Variants in ACYP2 observed in about 807,000 individuals in gnomAD.
ACYP2 encodes the protein acylphosphatase-2.
Under a neutral mutation model 11.2 loss-of-function variants are expected in ACYP2, and 12 were observed. That is an observed-to-expected ratio of 1.08 (90% CI 0.69 to 1.74). The LOEUF (loss-of-function observed/expected upper bound fraction) is 1.74, where lower values mean the gene tolerates loss of function less well. ACYP2 is among the 40% of genes most tolerant of loss of function. The probability of loss-of-function intolerance (pLI) is 0.00; values close to 1 mark genes in which losing one functional copy is unlikely to be tolerated. For missense variants in ACYP2, 134 were observed against 101.9 expected (o/e 1.31, Z -1.35); for synonymous variants, 43 against 32.2 (o/e 1.33, Z -1.13).
At chr2:54,276,829 T>C (rs997275589) in intron 6 of ACYP2, among the ~76,000 whole-genome samples, 2 of 152,208 alleles carry the variant, frequency 1.3e-5, no homozygotes, top group African/African-American at 4.8e-5. Flanking sequence ...ATCCCTTTGA[T>C]GCACATTTCC....
intron 5 of ACYP2, among the ~76,000 whole-genome samples, chr2:54,137,044 T>C (rs1295313904): frequency 6.6e-6 from 1 of 152,148 alleles, no homozygotes; most frequent in Non-Finnish European, 1.5e-5. Flanking sequence ...GTTAAAATAA[T>C]TCAAAATCAA....
chr2:54,049,263 AAAT>A (rs10617454), intron 2 of ACYP2, among the ~76,000 whole-genome samples: 14,225 of 151,542 alleles, frequency 0.094, 873 homozygotes, highest in African/African-American at 0.18. Flanking sequence ...CCCATCTCAA[AAAT>A]AATAATAATA....
intron 6 of ACYP2, among the ~76,000 whole-genome samples, chr2:54,146,244 C>A (rs1243660636): frequency 6.6e-6 from 1 of 152,158 alleles, no homozygotes; most frequent in Non-Finnish European, 1.5e-5. Context: ...GGGAGTTATA[C>A]CTGTTTATTC....
At chr2:54,294,357 C>T (rs1342058216) in intron 6 of ACYP2, among the ~76,000 whole-genome samples, 2 of 152,074 alleles carry the variant, frequency 1.3e-5, no homozygotes, top group Non-Finnish European at 2.9e-5. Context: ...CATTCCACTC[C>T]CCTATATTTT....
chr2:54,230,536 T>C (rs1229959487), intron 6 of ACYP2, among the ~76,000 whole-genome samples: 3 of 152,024 alleles, frequency 2.0e-5, no homozygotes, highest in African/African-American at 7.3e-5. Context: ...CCGGCTAATT[T>C]TGTATTTTTA....
chr2:54,058,008 A>G (rs1276795307), intron 4 of ACYP2, among the ~76,000 whole-genome samples: 2 of 152,384 alleles, frequency 1.3e-5, no homozygotes, highest in East Asian at 3.8e-4. Flanking sequence ...TCACACATAG[A>G]AAATAGGAGA....
intron 2 of ACYP2, among the ~76,000 whole-genome samples, chr2:54,046,715 C>A (rs1675544430): frequency 6.6e-6 from 1 of 152,126 alleles, no homozygotes; most frequent in East Asian, 1.9e-4. Context: ...ACACAGGGCC[C>A]TGTGCTTAGA....
intron 4 of ACYP2, 39 bp from the exon 1 acceptor site, chr2:54,115,576 C>T (rs1434840373): frequency 2.6e-6 from 4 of 1,538,664 alleles, no homozygotes; most frequent in South Asian, 2.4e-5. Flanking sequence ...CGCTAGCGTC[C>T]GGGACCGGTG....
chr2:54,244,768 C>T (rs1475668220), intron 6 of ACYP2, among the ~76,000 whole-genome samples: 1 of 152,054 alleles, frequency 6.6e-6, no homozygotes, highest in Non-Finnish European at 1.5e-5. Flanking sequence ...TGAATTGACA[C>T]ATAATAATTG....
intron 4 of ACYP2, among the ~76,000 whole-genome samples, chr2:54,104,537 A>T (rs1407998254): frequency 1.3e-5 from 2 of 152,136 alleles, no homozygotes. Flanking sequence ...ATTTTACCAA[A>T]CTGCTAGATA....
At chr2:54,002,940 G>A (rs892319392) in intron 2 of ACYP2, among the ~76,000 whole-genome samples, 11 of 151,646 alleles carry the variant, frequency 7.3e-5, no homozygotes, top group Non-Finnish European at 1.5e-5. Flanking sequence ...GAGCCACCAT[G>A]CCTGGCCTTT....
At chr2:54,298,951 C>T (rs1689621191) in intron 6 of ACYP2, among the ~76,000 whole-genome samples, 1 of 152,130 alleles carries the variant, frequency 6.6e-6, no homozygotes, top group South Asian at 2.1e-4. Context: ...TGGGGTTTCA[C>T]CGTGTTGGCC....
intron 1 of ACYP2, among the ~76,000 whole-genome samples, chr2:53,971,528 A>C (rs997378029): frequency 3.9e-5 from 6 of 152,236 alleles, no homozygotes; most frequent in African/African-American, 1.4e-4. Flanking sequence ...TTACTCGCTG[A>C]ACAAATGCTA....
At chr2:54,072,733 T>C (rs1217061387) in intron 4 of ACYP2, among the ~76,000 whole-genome samples, 1 of 152,052 alleles carries the variant, frequency 6.6e-6, no homozygotes, top group African/African-American at 2.4e-5. Flanking sequence ...AGGCTAATTT[T>C]TGTATTTTTA....
intron 6 of ACYP2, 81 bp downstream of exon 3, chr2:54,138,829 G>T (rs1681427426): frequency 8.7e-7 from 1 of 1,152,744 alleles, no homozygotes; most frequent in East Asian, 2.6e-5. Context: ...GTCTTGCTCT[G>T]TTGCCCAGGT....
chr2:54,163,140 C>A (rs1200541270), intron 6 of ACYP2, among the ~76,000 whole-genome samples: 1 of 152,160 alleles, frequency 6.6e-6, no homozygotes, highest in Non-Finnish European at 1.5e-5. Context: ...AACTCCCAAA[C>A]AGTATGGATT....
chr2:54,064,873 C>T (rs1676659990), intron 4 of ACYP2, among the ~76,000 whole-genome samples: 1 of 152,146 alleles, frequency 6.6e-6, no homozygotes, highest in African/African-American at 2.4e-5. Flanking sequence ...ATCACAAAGT[C>T]AGGAGTTTGA....
intron 6 of ACYP2, among the ~76,000 whole-genome samples, chr2:54,145,189 A>T (rs1681827349): frequency 6.6e-6 from 1 of 152,102 alleles, no homozygotes; most frequent in Admixed American, 6.5e-5. Context: ...ATTTATTTCT[A>T]TTTTTATTTG....
chr2:54,106,522 AT>A (rs1679169737), intron 4 of ACYP2, among the ~76,000 whole-genome samples: 1 of 152,138 alleles, frequency 6.6e-6, no homozygotes, highest in South Asian at 2.1e-4. Flanking sequence ...ATTTTAAAGG[AT>A]ATAGTAGATG....
Sources: allele counts gnomAD v4.1 joint callset (sites outside exome capture counted in the v4.1 genomes callset), GRCh38; gene constraint gnomAD v4.1.1; transcripts MANE v1.5; gene names NCBI Gene and HGNC (gene_info 2026-07-23, HGNC 2026-07-21).